The following MYO9A variants were observed in gnomAD, a reference collection of about 807,000 sequenced individuals.
MYO9A encodes the protein myosin IXA, also known as unconventional myosin-IXa.
A neutral mutation model predicts 293.3 loss-of-function variants in MYO9A; 103 were observed. The ratio of observed to expected loss-of-function variants is 0.35; its 90% confidence interval spans 0.30 to 0.41. The LOEUF is 0.41. Among genes scored for constraint, MYO9A ranks in the 10% least tolerant of loss-of-function variants. The pLI is 1.00. For synonymous variants in MYO9A, 1,001 were observed against 1,035.7 expected (o/e 0.97, Z 0.64); for missense variants, 2,685 against 3,033.0 (o/e 0.89, Z 2.69).
In MYO9A at chr15:72,081,190, A is replaced by G. The variant is rs143604259; in HGVS notation, c.-71-34556T>C. On this transcript the variant is annotated intron_variant, in intron 1 of 41. Transcript: ENST00000356056. The stretch of plus-strand genomic sequence containing the variant: ...TAATTTACACTCCCACCAACTCTGT[A>G]TATGTGTTCCTTTTTCTCTGCAACC... Among the ~76,000 whole-genome samples the G allele has an allele frequency of 3.3e-5, 5 of 152,240 alleles. No homozygotes were observed. The East Asian group carries it at 9.7e-4, about 29-fold the overall frequency.
chr15:72,072,809 G>C (rs541884761), intron 1 of MYO9A, among the ~76,000 whole-genome samples: 1 of 152,066 alleles, frequency 6.6e-6, no homozygotes, highest in Non-Finnish European at 1.5e-5. Flanking sequence ...TTCACTATTT[G>C]GGTGATGGGT....
chr15:71,991,250 A>T lies in MYO9A; in HGVS notation c.1588-13T>A. ...CAATAGACAATGTCTGTAAAACAAG[A>T]GAAAGTTTTGATTAAAAGTAATGTT... On this transcript the variant is annotated splice_polypyrimidine_tract_variant and intron_variant, in intron 10 of 41. Transcript: ENST00000356056. 6.4e-7 allele frequency: 1 copy of T among 1,563,492 alleles called. No individual in the cohort carries two copies.
rs1172759885 is a variant in MYO9A, at chr15:71,928,056, A to ATTTTTTT, written c.2562+5607_2562+5613dup. On this transcript the variant is annotated intron_variant, in intron 18 of 41. Transcript: ENST00000356056. ...TATATATATATATATATATATATAT[A>ATTTTTTT]TTTTTTTTTTTTTTTTTTTTTTTTT... Among the ~76,000 whole-genome samples, 7 of 6,044 alleles carry ATTTTTTT rather than the reference A, an allele frequency of 1.2e-3. 1 individual carries two copies. The highest frequency in any genetic ancestry group is 3.4e-3 in the Non-Finnish European group (6 of 1,740). The allele number at this position is 6,044 out of a possible 152,430, so 4.0% of individuals were successfully genotyped here.
chr15:71,938,797 G>A lies in MYO9A; in HGVS notation c.2378+55C>T, dbSNP rs568313943. On this transcript the variant is annotated intron_variant, in intron 16 of 41. Transcript: ENST00000356056. The stretch of plus-strand genomic sequence containing the variant: ...TTTAAAGTCACAAAAATATCAATAA[G>A]AATGTTAGTTATTTCTTCTATACGT... 5.2e-5 allele frequency: 73 copies of A among 1,413,086 alleles called. 2 individuals are homozygous for A. In the African/African-American group the frequency reaches 1.0e-3, roughly 20 times the overall value. 87.5% of individuals were successfully genotyped at this position (1,413,086 alleles called of 1,614,324 possible). A position where few individuals can be genotyped will look rare whatever the true frequency, so the allele number is the denominator to read the frequency against.
At chr15:72,099,579 G>A (rs1364753716) in intron 1 of MYO9A, among the ~76,000 whole-genome samples, 1 of 151,290 alleles carries the variant, frequency 6.6e-6, no homozygotes, top group Non-Finnish European at 1.5e-5. Context: ...TCCAGCCTAG[G>A]CAACAGCGAG....
chr15:71,840,063 C>CA (rs1448297968), intron 39 of MYO9A, among the ~76,000 whole-genome samples: 1 of 152,164 alleles, frequency 6.6e-6, no homozygotes, highest in East Asian at 1.9e-4. Flanking sequence ...TCACCTCTGG[C>CA]AAAAATTAAT....
At chr15:71,943,325 G>C (rs918664344) in intron 15 of MYO9A, among the ~76,000 whole-genome samples, 1 of 151,886 alleles carries the variant, frequency 6.6e-6, no homozygotes, top group Non-Finnish European at 1.5e-5. Context: ...GTTAATTCAA[G>C]AGCAGTAGAG....
intron 4 of MYO9A, among the ~76,000 whole-genome samples, chr15:72,026,664 C>A (rs1038695406): frequency 1.3e-5 from 2 of 151,908 alleles, no homozygotes; most frequent in Non-Finnish European, 2.9e-5. Flanking sequence ...AAGATCGGTT[C>A]TTTGAAAAGA....
At chr15:71,851,588 C>CTG (rs2055650459) in intron 36 of MYO9A, among the ~76,000 whole-genome samples, 2 of 152,122 alleles carry the variant, frequency 1.3e-5, no homozygotes, top group African/African-American at 4.8e-5. Context: ...TCCTTAATAA[C>CTG]AGCAAGGGGA....
At chr15:72,076,978 G>T (rs1158983359) in intron 1 of MYO9A, among the ~76,000 whole-genome samples, 1 of 151,780 alleles carries the variant, frequency 6.6e-6, no homozygotes, top group African/African-American at 2.4e-5. Context: ...AATGGAAAAA[G>T]GATAGTCTTT....
At chr15:71,986,478 C>T (rs2076409877) in intron 11 of MYO9A, among the ~76,000 whole-genome samples, 1 of 152,198 alleles carries the variant, frequency 6.6e-6, no homozygotes, top group Non-Finnish European at 1.5e-5. Context: ...CACACAAACA[C>T]ATTTCAGTCA....
intron 4 of MYO9A, among the ~76,000 whole-genome samples, chr15:72,023,333 C>A (rs1439609446): frequency 2.6e-5 from 4 of 152,224 alleles, no homozygotes; most frequent in African/African-American, 9.6e-5. Context: ...ATTAAAAAGA[C>A]TCCTATGGCA....
intron 1 of MYO9A, among the ~76,000 whole-genome samples, chr15:72,048,276 G>A (rs905140875): frequency 2.0e-5 from 3 of 151,746 alleles, no homozygotes; most frequent in Non-Finnish European, 4.4e-5. Flanking sequence ...GCACGTCCCT[G>A]TAATCCCAGC....
intron 1 of MYO9A, among the ~76,000 whole-genome samples, chr15:72,072,824 T>C (rs961215892): frequency 2.0e-5 from 3 of 151,970 alleles, no homozygotes; most frequent in African/African-American, 4.8e-5. Flanking sequence ...ATGGGTTCAG[T>C]AGAAACCCAA....
chr15:71,970,877 G>A (rs1409447215), intron 12 of MYO9A, among the ~76,000 whole-genome samples: 1 of 151,950 alleles, frequency 6.6e-6, no homozygotes, highest in Non-Finnish European at 1.5e-5. Flanking sequence ...TGACATTCTC[G>A]GCCGGGCGCA....
At chr15:71,842,728 C>T (rs962352671) in intron 39 of MYO9A, among the ~76,000 whole-genome samples, 4 of 150,358 alleles carry the variant, frequency 2.7e-5, no homozygotes, top group South Asian at 2.1e-4. Flanking sequence ...GGCGTGGTGG[C>T]GGGCACCTGT....
intron 18 of MYO9A, 62 bp downstream of exon 18, chr15:71,933,608 G>A: frequency 7.2e-7 from 1 of 1,389,274 alleles, no homozygotes; most frequent in Non-Finnish European, 1.0e-6. Flanking sequence ...AAGATTGTAT[G>A]AGTAATAAAA....
chr15:71,955,742 T>C (rs2059162477), intron 14 of MYO9A, among the ~76,000 whole-genome samples: 2 of 152,218 alleles, frequency 1.3e-5, no homozygotes, highest in South Asian at 4.1e-4. Flanking sequence ...ATGCTTTTAG[T>C]ATAATTCATG....
At chr15:72,081,731 G>C (rs550014600) in intron 1 of MYO9A, among the ~76,000 whole-genome samples, 117 of 152,264 alleles carry the variant, frequency 7.7e-4, no homozygotes, top group Middle Eastern at 3.4e-3. Context: ...ACGGTGAAAG[G>C]AAGGCATCGT....
Sources: gnomAD v4.1 joint callset for allele counts (sites outside exome capture counted in the v4.1 genomes callset) on GRCh38, gnomAD v4.1.1 for gene constraint, MANE v1.5 for transcripts, NCBI Gene and HGNC (gene_info 2026-07-23, HGNC 2026-07-21) for gene names.